SNTB2: variants seen among roughly 807,000 people sequenced by gnomAD.
SNTB2 encodes beta-2-syntrophin.
A neutral mutation model predicts 46.2 loss-of-function variants in SNTB2; 34 were observed. The ratio of observed to expected loss-of-function variants is 0.74; its 90% confidence interval spans 0.56 to 0.98. The LOEUF (loss-of-function observed/expected upper bound fraction) is 0.98. SNTB2 is among the 50% of genes least tolerant of loss of function. The probability of loss-of-function intolerance (pLI) is 0.00; values close to 1 mark genes in which losing one functional copy is unlikely to be tolerated. For synonymous variants in SNTB2, 290 were observed against 312.6 expected, an observed-to-expected ratio of 0.93 and a Z score of 0.76; for missense variants, 603 against 731.4, an observed-to-expected ratio of 0.82 and a Z score of 2.02.
chr16:69,294,419 T>G (rs1222165560), intron 5 of SNTB2, among the ~76,000 whole-genome samples: 1 of 152,128 alleles, frequency 6.6e-6, no homozygotes, highest in African/African-American at 2.4e-5. Context: ...ACTGAAACTC[T>G]TATCACTATA....
At chr16:69,208,538 T>C (rs1393030007) in intron 1 of SNTB2, among the ~76,000 whole-genome samples, 2 of 152,266 alleles carry the variant, frequency 1.3e-5, no homozygotes, top group Non-Finnish European at 2.9e-5. Flanking sequence ...CTCATTGTTA[T>C]ACTGCATATT....
intron 1 of SNTB2, among the ~76,000 whole-genome samples, chr16:69,238,412 C>G (rs776888877): frequency 2.6e-5 from 4 of 152,300 alleles, no homozygotes; most frequent in Non-Finnish European, 5.9e-5. Context: ...TTTCCCTGCA[C>G]TCTGCCCACA....
intron 1 of SNTB2, among the ~76,000 whole-genome samples, chr16:69,235,035 T>A (rs1416295434): frequency 2.6e-5 from 4 of 152,070 alleles, no homozygotes; most frequent in Non-Finnish European, 4.4e-5. Context: ...TTATTTATTT[T>A]TTGAGACGGA....
At chr16:69,298,990 G>A (rs1325372692) in intron 5 of SNTB2, among the ~76,000 whole-genome samples, 1 of 152,150 alleles carries the variant, frequency 6.6e-6, no homozygotes, top group East Asian at 1.9e-4. Context: ...CTTGAGAGCA[G>A]GGACTGTGCC....
chr16:69,241,258 C>T (rs1011379137), intron 1 of SNTB2, among the ~76,000 whole-genome samples: 46 of 141,132 alleles, frequency 3.3e-4, no homozygotes, highest in Non-Finnish European at 5.6e-4. Context: ...CTCACTGCAA[C>T]CTCTGCCACC....
chr16:69,266,839 C>T (rs1020554115), intron 3 of SNTB2, among the ~76,000 whole-genome samples: 6 of 152,104 alleles, frequency 3.9e-5, no homozygotes, highest in Non-Finnish European at 7.4e-5. Context: ...ACCTCAGTCT[C>T]CTGAGTCGCT....
chr16:69,215,544 A>G (rs1330805785), intron 1 of SNTB2, among the ~76,000 whole-genome samples: 2 of 152,178 alleles, frequency 1.3e-5, no homozygotes, highest in East Asian at 3.8e-4. Context: ...ACCAACAGAA[A>G]CTAAAAACTT....
intron 1 of SNTB2, among the ~76,000 whole-genome samples, chr16:69,200,010 G>A (rs182467465): frequency 6.6e-6 from 1 of 152,050 alleles, no homozygotes; most frequent in Non-Finnish European, 1.5e-5. Context: ...CATCTCCCGG[G>A]TTCAAGCGAT....
In SNTB2 at chr16:69,199,595, C is replaced by CAAAAAAAAA. The variant is rs60011703; in HGVS notation, c.580+11857_580+11865dup. Among the ~76,000 whole-genome samples the CAAAAAAAAA allele has an allele frequency of 3.2e-3, 246 of 76,778 alleles. 10 individuals carry two copies. The highest frequency in any genetic ancestry group is 0.011 in the African/African-American group (210 of 18,820). 50.4% of individuals were successfully genotyped at this position (76,778 alleles called of 152,430 possible). ...TGGACAACAGAGTGAAACACTGCCT[C>CAAAAAAAAA]AAAAAAAAAAAAAAAAGGCGATCTT... On this transcript the variant is annotated intron_variant, in intron 1 of 6. Coordinates refer to ENST00000336278, the MANE Select transcript of SNTB2 (RefSeq NM_006750.4).
chr16:69,279,422 T>C (rs1390253805), intron 4 of SNTB2, among the ~76,000 whole-genome samples: 1 of 151,916 alleles, frequency 6.6e-6, no homozygotes, highest in East Asian at 1.9e-4. Context: ...TTGGCTGTTG[T>C]GGTTAATGCT....
chr16:69,269,063 G>A (rs950436389), intron 3 of SNTB2, among the ~76,000 whole-genome samples: 2 of 151,798 alleles, frequency 1.3e-5, no homozygotes, highest in Non-Finnish European at 2.9e-5. Flanking sequence ...CAGCTACTCG[G>A]GAGGCTGAGG....
chr16:69,294,203 G>A (rs777928825), intron 5 of SNTB2, among the ~76,000 whole-genome samples: 1 of 151,884 alleles, frequency 6.6e-6, no homozygotes, highest in Non-Finnish European at 1.5e-5. Context: ...ATTTTGGTAG[G>A]GATAGAATCT....
Position 69,260,132 on chromosome 16 carries a change from G to T in SNTB2, c.877G>T (p.Val293Leu). The T allele has an allele frequency of 1.9e-6, 3 of 1,613,810 alleles. No homozygotes were observed. The highest frequency in any genetic ancestry group is 2.5e-6 in the Non-Finnish European group (3 of 1,179,986). Reference protein sequence around the residue: ...KDTATAHSWFVAIHTNIMALL... With the variant: ...KDTATAHSWFLAIHTNIMALL... ...TACAGCCACAGCACACTCCTGGTTC[G>T]TAGCTATCCACACCAACATAATGGC... Residue 293 changes from valine (V) to leucine (L), a missense_variant, in exon 3 of 7, where the codon GTA becomes TTA. Transcript: ENST00000336278.
At chr16:69,248,455 GAA>G (rs1339860151) in intron 2 of SNTB2, among the ~76,000 whole-genome samples, 1 of 152,036 alleles carries the variant, frequency 6.6e-6, no homozygotes, top group Non-Finnish European at 1.5e-5. Context: ...CTAATATGGT[GAA>G]ACCCTGTCTC....
intron 5 of SNTB2, among the ~76,000 whole-genome samples, chr16:69,292,435 T>TATATATTATATATATATA (rs1291261454): frequency 1.9e-4 from 2 of 10,496 alleles, no homozygotes; most frequent in Non-Finnish European, 3.5e-4. Flanking sequence ...TATATATATA[T>TATATATTATATATATATA]TATATATATA....
intron 4 of SNTB2, among the ~76,000 whole-genome samples, chr16:69,272,966 T>C (rs1458104905): frequency 2.0e-5 from 3 of 149,152 alleles, no homozygotes; most frequent in Non-Finnish European, 3.0e-5. Context: ...AAATGGCCAA[T>C]AGGAACATGA....
At chr16:69,257,279 G>A (rs936144901) in intron 2 of SNTB2, among the ~76,000 whole-genome samples, 3 of 151,862 alleles carry the variant, frequency 2.0e-5, no homozygotes, top group African/African-American at 7.2e-5. Flanking sequence ...TATAGAATAG[G>A]AAATCAAAGA....
intron 1 of SNTB2, among the ~76,000 whole-genome samples, chr16:69,189,418 G>T (rs1964027137): frequency 6.6e-6 from 1 of 152,076 alleles, no homozygotes; most frequent in Non-Finnish European, 1.5e-5. Context: ...GTTGTGATGG[G>T]CAGACAGTTG....
chr16:69,210,344 TCTC>T (rs1964270336), intron 1 of SNTB2, among the ~76,000 whole-genome samples: 1 of 150,454 alleles, frequency 6.6e-6, no homozygotes, highest in African/African-American at 2.5e-5. Flanking sequence ...TTCAAGCTAT[TCTC>T]CTGTCTCGGC....
Sources: gnomAD v4.1 joint callset for allele counts (sites outside exome capture counted in the v4.1 genomes callset) on GRCh38, gnomAD v4.1.1 for gene constraint, MANE v1.5 for transcripts, NCBI Gene and HGNC (gene_info 2026-07-23, HGNC 2026-07-21) for gene names.